The following MYO16 variants were observed in gnomAD, a reference collection of about 807,000 sequenced individuals.
MYO16 encodes the protein unconventional myosin-XVI.
MYO16 carries 94 observed loss-of-function variants against 205.3 expected under a neutral mutation model. The observed-to-expected ratio is 0.46, with a 90% CI of 0.39 to 0.54. The LOEUF is 0.54. Among genes scored for constraint, MYO16 ranks in the 20% least tolerant of loss-of-function variants. The probability of loss-of-function intolerance (pLI) is 0.00; values close to 1 mark genes in which losing one functional copy is unlikely to be tolerated. For missense variants in MYO16, 2,315 were observed against 2,387.5 expected (o/e 0.97, Z 0.63); for synonymous variants, 988 against 954.0 (o/e 1.04, Z -0.66).
intron 4 of MYO16, among the ~76,000 whole-genome samples, chr13:108,767,163 T>C (rs945158748): frequency 1.1e-4 from 16 of 152,024 alleles, no homozygotes; most frequent in African/African-American, 3.9e-4. Flanking sequence ...AGTGCAGTGG[T>C]GCGATCTCGG....
chr13:108,605,430 G>A lies in MYO16; in HGVS notation c.-39+9191G>A, dbSNP rs552864214. On this transcript the variant is annotated intron_variant, in intron 1 of 24. Transcript: ENST00000251041. Reference sequence around the variant, plus strand: ...CCCACCCAAATCTCATCTTGCATTGGAATCCAAATTATAATCCCCACATGT... The same window carrying A: ...CCCACCCAAATCTCATCTTGCATTGAAATCCAAATTATAATCCCCACATGT... 2.0e-5 allele frequency among the ~76,000 whole-genome samples: 3 copies of A among 152,206 alleles called. No individual in the cohort carries two copies. The South Asian group carries it at 6.2e-4, about 32-fold the overall frequency.
chr13:108,822,454 T>C (rs1295105455), intron 8 of MYO16, among the ~76,000 whole-genome samples: 5 of 152,178 alleles, frequency 3.3e-5, no homozygotes, highest in Non-Finnish European at 5.9e-5. Context: ...TTAATTGATA[T>C]GAATGTTGAT....
rs1224467573 is a variant in MYO16, at chr13:108,699,094, C to CTA, written c.293-13566_293-13565insAT. Among the ~76,000 whole-genome samples, 159 of 140,370 alleles carry CTA rather than the reference C, an allele frequency of 1.1e-3. 1 individual carries two copies. Among genetic ancestry groups the CTA allele is most frequent in the African/African-American group, 3.5e-3 (134 of 38,266 alleles). 92.1% of individuals were successfully genotyped at this position (140,370 alleles called of 152,430 possible). ...TCTCTCTGTCTCTCTCTCTCTCTCT[C>CTA]TCTATATATATATATATGTGTGTGT... On this transcript the variant is annotated intron_variant, in intron 2 of 34. Coordinates refer to ENST00000457511, the MANE Select transcript of MYO16 (RefSeq NM_001198950.3).
chr13:108,666,198 T>G, intron 2 of MYO16, 49 bp downstream of exon 2: 2 of 1,519,934 alleles, frequency 1.3e-6, no homozygotes, highest in Non-Finnish European at 1.8e-6. Flanking sequence ...TTTTTCATGA[T>G]TGATTTTTGT....
intron 3 of MYO16, among the ~76,000 whole-genome samples, chr13:108,721,124 T>C (rs1251922568): frequency 6.6e-6 from 1 of 152,204 alleles, no homozygotes; most frequent in Non-Finnish European, 1.5e-5. Context: ...TAAGACATAT[T>C]ACCTTTGTTT....
At chr13:108,682,463 G>A (rs1882501549) in intron 2 of MYO16, among the ~76,000 whole-genome samples, 1 of 151,910 alleles carries the variant, frequency 6.6e-6, no homozygotes, top group African/African-American at 2.4e-5. Context: ...TTCACTTGTA[G>A]TCAGAGCCGC....
At chr13:108,543,740 CT>C in the MYO16 span, among the ~76,000 whole-genome samples, 88,043 of 124,912 alleles carry the variant, frequency 0.7, 31,076 homozygotes, top group Non-Finnish European at 0.74. Context: ...TCCTTTTTTT[CT>C]TTTTTTTTTT....
At chr13:109,195,761 A>G (rs1464005054) in intron 34 of MYO16, among the ~76,000 whole-genome samples, 1 of 152,176 alleles carries the variant, frequency 6.6e-6, no homozygotes, top group African/African-American at 2.4e-5. Flanking sequence ...CATATGAATT[A>G]TTTAACAAAG....
chr13:108,763,511 A>C (rs1441754279), intron 4 of MYO16, among the ~76,000 whole-genome samples: 1 of 152,196 alleles, frequency 6.6e-6, no homozygotes, highest in Non-Finnish European at 1.5e-5. Flanking sequence ...AAATGAAGAA[A>C]ATATTCATGG....
intron 15 of MYO16, among the ~76,000 whole-genome samples, chr13:108,898,809 ACAT>A (rs1880566368): frequency 6.6e-6 from 1 of 152,216 alleles, no homozygotes; most frequent in Non-Finnish European, 1.5e-5. Flanking sequence ...CTAGAATTTT[ACAT>A]CTTTCCAATT....
rs150584651 is a variant in MYO16 at position 109,203,601 on chromosome 13, T to C, written c.5416-3008T>C. On this transcript the variant is annotated intron_variant, in intron 34 of 34. Transcript: ENST00000457511. ...AGGCTTGATCCGCCTTTGCCTTTCA[T>C]TGCGAGGTCTTTGTTCCTCAGCCCT... Among the ~76,000 whole-genome samples the C allele has an allele frequency of 8.7e-3, 1,329 of 152,280 alleles. 8 individuals carry two copies. The highest frequency in any genetic ancestry group is 0.024 in the Middle Eastern group (7 of 294).
At chr13:108,702,045 C>T (rs1436284244) in intron 2 of MYO16, among the ~76,000 whole-genome samples, 1 of 151,944 alleles carries the variant, frequency 6.6e-6, no homozygotes, top group East Asian at 1.9e-4. Context: ...AAAATGAGCA[C>T]AGCCTAAGGG....
rs75849236 is a variant in MYO16 at position 108,959,180 on chromosome 13, G to A, written c.2037+1381G>A. ...AACTCGAGGAGCCTGCAATCACATGGCATCTCATTCTTTTTGGCTCTGATT... is the reference window on the plus strand; with the variant it reads ...AACTCGAGGAGCCTGCAATCACATGACATCTCATTCTTTTTGGCTCTGATT... On this transcript the variant is annotated intron_variant, in intron 17 of 34. Transcript: ENST00000457511. Among the ~76,000 whole-genome samples, 1,151 of 152,176 alleles carry A rather than the reference G, an allele frequency of 7.6e-3. 17 individuals carry two copies. The highest frequency in any genetic ancestry group is 0.027 in the African/African-American group (1,109 of 41,524).
At chr13:108,535,535 T>C in the MYO16 span, among the ~76,000 whole-genome samples, 1 of 152,164 alleles carries the variant, frequency 6.6e-6, no homozygotes, top group South Asian at 2.1e-4. Flanking sequence ...ATTTGAAAAA[T>C]ATTATTTGAA....
At chr13:108,726,440 T>A (rs1884339184) in intron 3 of MYO16, among the ~76,000 whole-genome samples, 1 of 151,714 alleles carries the variant, frequency 6.6e-6, no homozygotes, top group Non-Finnish European at 1.5e-5. Flanking sequence ...GCACCTCTAG[T>A]CCCAGCTACT....
chr13:108,545,343 T>C, the MYO16 span, among the ~76,000 whole-genome samples: 2 of 152,246 alleles, frequency 1.3e-5, no homozygotes, highest in Non-Finnish European at 2.9e-5. Flanking sequence ...ATCTTGCTTT[T>C]TTATGGCGGC....
chr13:108,578,826 A>T, the MYO16 span, among the ~76,000 whole-genome samples: 14 of 151,974 alleles, frequency 9.2e-5, 1 homozygote, highest in Middle Eastern at 0.01. Flanking sequence ...CTGCATGTGG[A>T]TCACAACAAT....
At chr13:108,800,562 A>G (rs575451854) in intron 6 of MYO16, among the ~76,000 whole-genome samples, 12 of 152,316 alleles carry the variant, frequency 7.9e-5, no homozygotes, top group African/African-American at 2.9e-4. Flanking sequence ...TATGATTTAT[A>G]GTATTTTCAT....
chr13:109,058,401 G>A (rs1488446945), intron 27 of MYO16, among the ~76,000 whole-genome samples: 1 of 152,060 alleles, frequency 6.6e-6, no homozygotes, highest in African/African-American at 2.4e-5. Flanking sequence ...GGCAGACCTT[G>A]GAGACGTAGT....
Sources: allele counts gnomAD v4.1 joint callset (sites outside exome capture counted in the v4.1 genomes callset), GRCh38; gene constraint gnomAD v4.1.1; transcripts MANE v1.5; gene names NCBI Gene and HGNC (gene_info 2026-07-23, HGNC 2026-07-21).